The following FRMPD4 variants were observed in gnomAD, a reference collection of about 807,000 sequenced individuals.
FRMPD4 encodes the protein FERM and PDZ domain containing 4.
Under a neutral mutation model 94.1 loss-of-function variants are expected in FRMPD4, and 22 were observed. The ratio of observed to expected loss-of-function variants is 0.23; its 90% CI spans 0.17 to 0.33. FRMPD4 has a LOEUF of 0.33. FRMPD4 is among the 10% of genes least tolerant of loss of function. FRMPD4 has a pLI of 1.00. For missense variants in FRMPD4, 1,111 were observed against 1,339.9 expected (o/e 0.83, Z 2.67); for synonymous variants, 631 against 548.6 (o/e 1.15, Z -2.10).
intron 1 of FRMPD4, among the ~76,000 whole-genome samples, chrX:12,473,211 C>A (rs776776568): frequency 9.1e-6 from 1 of 109,736 alleles, no homozygotes; most frequent in African/African-American, 3.5e-5. Flanking sequence ...ACCAGCCAAG[C>A]TAACCTTCAT....
intron 1 of FRMPD4, among the ~76,000 whole-genome samples, chrX:12,256,213 T>C (rs1307884398): frequency 3.6e-5 from 4 of 111,670 alleles, no homozygotes; most frequent in African/African-American, 9.7e-5. Context: ...ACAAGTTCCA[T>C]TGGGGTGTTG....
At chrX:12,164,884 T>G (rs1269548306) in intron 1 of FRMPD4, among the ~76,000 whole-genome samples, 3 of 112,301 alleles carry the variant, frequency 2.7e-5, no homozygotes, top group Admixed American at 9.4e-5. Flanking sequence ...TCGCCCACTT[T>G]TTGATGGGGT....
At chrX:12,069,363 G>A (rs1264815340) in intron 3 of FRMPD4, among the ~76,000 whole-genome samples, 2 of 111,366 alleles carry the variant, frequency 1.8e-5, no homozygotes, top group African/African-American at 6.5e-5. Flanking sequence ...TAGTTTAAAA[G>A]TATCACCCGG....
At chrX:11,854,902 C>T (rs1370420397) in intron 1 of FRMPD4, among the ~76,000 whole-genome samples, 1 of 111,984 alleles carries the variant, frequency 8.9e-6, no homozygotes, top group Admixed American at 9.4e-5. Context: ...CAGGCAATGC[C>T]CCAGTGGGGA....
intron 1 of FRMPD4, among the ~76,000 whole-genome samples, chrX:12,391,944 G>A (rs1376664821): frequency 8.9e-6 from 1 of 111,787 alleles, no homozygotes; most frequent in African/African-American, 3.3e-5. Context: ...ATTGTGCTGT[G>A]ATGGAATCCT....
chrX:12,444,549 C>T (rs5935342), intron 1 of FRMPD4, among the ~76,000 whole-genome samples: 1,261 of 112,092 alleles, frequency 0.011, 12 homozygotes, highest in Non-Finnish European at 0.018. Context: ...TTCTCCACAT[C>T]TTAGTCCATT....
In FRMPD4 at chrX:12,105,667, T is replaced by C. The variant is rs1435030710; in HGVS notation, c.95+227649T>C. On this transcript the variant is annotated intron_variant, in intron 3 of 18. Transcript: ENST00000640291. ...GAAAAAGAATAGTTTGTCTGTTTTG[T>C]ATAGCCTTAAAGTTAAATTTATATT... Among the ~76,000 whole-genome samples the C allele has an allele frequency of 4.4e-5, 5 of 112,467 alleles. No individual in the cohort carries two copies. In the East Asian group the frequency reaches 1.1e-3, roughly 25 times the overall value.
chrX:12,369,971 C>T (rs1362578116), intron 1 of FRMPD4, among the ~76,000 whole-genome samples: 1 of 111,890 alleles, frequency 8.9e-6, no homozygotes, highest in African/African-American at 3.2e-5. Flanking sequence ...TGCTTTTTGC[C>T]TCCTCTCCAA....
rs1230017208 is a variant in FRMPD4 at position 12,500,388 on chromosome X, A to C, written c.158+1592A>C. Among the ~76,000 whole-genome samples, 3 of 111,663 alleles carry C rather than the reference A, an allele frequency of 2.7e-5. No individual in the cohort carries two copies. The Admixed American group carries it at 2.8e-4, about 11-fold the overall frequency. On this transcript the variant is annotated intron_variant, in intron 2 of 16. Transcript: ENST00000675598. ...CAACCCCCGCGCACCACCACATACAAGTGAGGATTGTTGGAAAGTATCAAC... is the reference window on the plus strand; with the variant it reads ...CAACCCCCGCGCACCACCACATACACGTGAGGATTGTTGGAAAGTATCAAC...
intron 1 of FRMPD4, among the ~76,000 whole-genome samples, chrX:12,457,387 T>C (rs923870055): frequency 1.8e-5 from 2 of 111,622 alleles, no homozygotes; most frequent in Non-Finnish European, 3.8e-5. Context: ...ATATCCAAAA[T>C]AGAATTGTTT....
intron 13 of FRMPD4, among the ~76,000 whole-genome samples, chrX:12,708,712 C>A (rs942510348): frequency 1.8e-5 from 2 of 111,734 alleles, no homozygotes; most frequent in African/African-American, 6.5e-5. Flanking sequence ...CTGAAAATAG[C>A]CAGGGAGGAC....
intron 1 of FRMPD4, among the ~76,000 whole-genome samples, chrX:12,322,493 A>G (rs903948873): frequency 9.1e-6 from 1 of 110,191 alleles, no homozygotes; most frequent in African/African-American, 3.3e-5. Flanking sequence ...GGTGTGTTCA[A>G]GGGATGCCAA....
At chrX:12,060,375 A>G (rs753368121) in intron 3 of FRMPD4, among the ~76,000 whole-genome samples, 19 of 96,330 alleles carry the variant, frequency 2.0e-4, no homozygotes, top group Non-Finnish European at 3.5e-4. Context: ...ATTGTTGAGC[A>G]TTTTTTCATA....
At chrX:11,965,066 C>A in intron 3 of FRMPD4, among the ~76,000 whole-genome samples, 1 of 112,552 alleles carries the variant, frequency 8.9e-6, no homozygotes, top group East Asian at 2.8e-4. Flanking sequence ...ACTTGGATAA[C>A]CCAGGCTAAT....
At chrX:12,524,154 C>T (rs374123505) in intron 2 of FRMPD4, among the ~76,000 whole-genome samples, 10 of 109,379 alleles carry the variant, frequency 9.1e-5, no homozygotes, top group Admixed American at 8.7e-4. Context: ...GACCCTGTCA[C>T]GATAATAACA....
At chrX:12,063,683 T>G (rs915073696) in intron 3 of FRMPD4, among the ~76,000 whole-genome samples, 1 of 111,679 alleles carries the variant, frequency 9.0e-6, no homozygotes, top group Admixed American at 9.4e-5. Flanking sequence ...AGCCTAGGAG[T>G]TTGGGGCTAA....
intron 1 of FRMPD4, among the ~76,000 whole-genome samples, chrX:12,278,945 G>T (rs892154256): frequency 8.9e-6 from 1 of 112,437 alleles, no homozygotes; most frequent in African/African-American, 3.2e-5. Context: ...TAATCTGGGA[G>T]CATAGATTCC....
intron 1 of FRMPD4, among the ~76,000 whole-genome samples, chrX:12,254,660 G>A (rs1363076645): frequency 1.8e-5 from 2 of 112,131 alleles, no homozygotes; most frequent in Non-Finnish European, 3.8e-5. Context: ...TGTCACAAGT[G>A]TAGAAAAGAA....
At chrX:12,720,493 G>A (rs1479242558) in intron 16 of FRMPD4, 41 bp from the exon 17 acceptor site, 3 of 1,188,093 alleles carry the variant, frequency 2.5e-6, no homozygotes, top group Non-Finnish European at 3.4e-6. Context: ...CCCAGGAGAT[G>A]CTTAATGATT....
Sources: gnomAD v4.1 joint callset for allele counts (sites outside exome capture counted in the v4.1 genomes callset) on GRCh38, gnomAD v4.1.1 for gene constraint, MANE v1.5 for transcripts, NCBI Gene and HGNC (gene_info 2026-07-23, HGNC 2026-07-21) for gene names.